TULP4: variants seen among roughly 807,000 people sequenced by gnomAD.
TULP4 encodes tubby-related protein 4.
Under a neutral mutation model 129.0 loss-of-function variants are expected in TULP4, and 16 were observed. The observed-to-expected ratio is 0.12, with a 90% CI of 0.08 to 0.19. The LOEUF (loss-of-function observed/expected upper bound fraction) is 0.19. Ranked by LOEUF, TULP4 falls within the 10% of genes least tolerant of loss-of-function variation. TULP4 has a pLI of 1.00. For synonymous variants in TULP4, 998 were observed against 854.0 expected (o/e 1.17, Z -2.94); for missense variants, 1,842 against 2,059.1 (o/e 0.89, Z 2.04).
chr6:158,429,441 G>A (rs1038059561), intron 2 of TULP4, among the ~76,000 whole-genome samples: 7 of 152,044 alleles, frequency 4.6e-5, no homozygotes, highest in Non-Finnish European at 8.8e-5. Flanking sequence ...ACCCGGCCCC[G>A]ACTAATTCTT....
intron 1 of TULP4, among the ~76,000 whole-genome samples, chr6:158,402,850 A>G (rs1300309573): frequency 1.3e-5 from 2 of 152,068 alleles, no homozygotes. Flanking sequence ...AGTTATTAGA[A>G]AGCAAATTAT....
chr6:158,239,616 G>A (rs1208382387), intron 1 of TULP4, among the ~76,000 whole-genome samples: 13 of 64,794 alleles, frequency 2.0e-4, no homozygotes, highest in South Asian at 5.6e-4. Context: ...CCTCCCGGAC[G>A]GGGCGGCTGG....
intron 2 of TULP4, among the ~76,000 whole-genome samples, chr6:158,416,917 C>T (rs1778224994): frequency 6.6e-6 from 1 of 152,140 alleles, no homozygotes; most frequent in African/African-American, 2.4e-5. Context: ...ATTACAGTTG[C>T]CTACAGTGTT....
intron 1 of TULP4, among the ~76,000 whole-genome samples, chr6:158,359,234 C>G (rs959033655): frequency 6.6e-6 from 1 of 151,990 alleles, no homozygotes; most frequent in Non-Finnish European, 1.5e-5. Context: ...GGAGAAACAC[C>G]CCCTTTTGAA....
chr6:158,238,752 A>C (rs1411749928), intron 1 of TULP4, among the ~76,000 whole-genome samples: 1 of 81,522 alleles, frequency 1.2e-5, no homozygotes, highest in Non-Finnish European at 2.6e-5. Context: ...GGGTAAGGTC[A>C]CAGATCAACA....
intron 3 of TULP4, among the ~76,000 whole-genome samples, chr6:158,439,151 A>G (rs1778823411): frequency 6.9e-6 from 1 of 144,548 alleles, no homozygotes; most frequent in Non-Finnish European, 1.5e-5. Context: ...AGCCTGGGTG[A>G]CAGAGCAAGA....
intron 1 of TULP4, among the ~76,000 whole-genome samples, chr6:158,302,734 A>G (rs1392778014): frequency 1.3e-5 from 2 of 152,078 alleles, no homozygotes; most frequent in Non-Finnish European, 2.9e-5. Context: ...TTGGACCGAG[A>G]CCGAGTCCGG....
At chr6:158,263,798 C>CT (rs1179877291) in intron 1 of TULP4, among the ~76,000 whole-genome samples, 115 of 151,950 alleles carry the variant, frequency 7.6e-4, no homozygotes, top group African/African-American at 2.6e-3. Context: ...CGCGGTGGCT[C>CT]ATGCCTGTAA....
intron 1 of TULP4, among the ~76,000 whole-genome samples, chr6:158,374,654 G>A (rs978641558): frequency 6.6e-6 from 1 of 151,512 alleles, no homozygotes; most frequent in African/African-American, 2.4e-5. Context: ...TATAAGAGCA[G>A]TATCCTTTTC....
chr6:158,502,310 C>G lies in TULP4; in HGVS notation c.2647C>G (p.Leu883Val), dbSNP rs1441966467. The G allele has an allele frequency of 1.9e-6, 3 of 1,613,494 alleles. No individual in the cohort carries two copies. The highest frequency in any genetic ancestry group is 1.3e-5 in the African/African-American group (1 of 74,830). ...YPTSVHYQTP[L>V]GYERITTFDS... Reference sequence around the variant, plus strand: ...CACGTCAGTGCACTACCAGACCCCCCTGGGCTATGAGAGGATCACCACCTT... The same window carrying G: ...CACGTCAGTGCACTACCAGACCCCCGTGGGCTATGAGAGGATCACCACCTT... Residue 883 changes from leucine (L) to valine (V), a missense_variant, in exon 13 of 14, where the codon CTG (leucine) becomes GTG (valine). Leu to Val is a conservative substitution (Grantham distance 32, BLOSUM62 1). Transcript: ENST00000367097.
intron 1 of TULP4, among the ~76,000 whole-genome samples, chr6:158,268,358 G>A (rs962255214): frequency 2.0e-5 from 3 of 152,008 alleles, no homozygotes; most frequent in African/African-American, 7.3e-5. Context: ...CATTTTAATG[G>A]GACTTTGGGG....
intron 1 of TULP4, among the ~76,000 whole-genome samples, chr6:158,355,457 AC>A (rs761714336): frequency 3.3e-5 from 5 of 152,178 alleles, no homozygotes; most frequent in Non-Finnish European, 7.3e-5. Flanking sequence ...CAGGTAGTAG[AC>A]AAGGAAGCTG....
At position 158,359,704 on chromosome 6, in the gene TULP4, C is replaced by CA. The variant is rs532921093; in HGVS notation, c.252+45437dup. Among the ~76,000 whole-genome samples the CA allele has an allele frequency of 5.5e-3, 842 of 152,306 alleles. 6 individuals are homozygous for CA. Among genetic ancestry groups the CA allele is most frequent in the African/African-American group, 0.019 (773 of 41,540 alleles). On this transcript the variant is annotated intron_variant, in intron 1 of 13. Coordinates refer to ENST00000367097, the MANE Select transcript of TULP4 (RefSeq NM_020245.5). ...TCTCCTTTGGCAGCACCCTCACAGA[C>CA]ACACCCAGGAACAATAGTTTATATC...
At position 158,313,025 on chromosome 6, in the gene TULP4, C is replaced by T. The variant is rs555689146; in HGVS notation, c.-992C>T. 1.1e-3 allele frequency: 175 copies of T among 154,618 alleles called. No homozygotes were observed. The highest frequency in any genetic ancestry group is 2.8e-3 in the African/African-American group (116 of 41,648). The allele number at this position is 154,618 out of a possible 1,614,324, so 9.6% of individuals were successfully genotyped here. On this transcript the variant is annotated 5_prime_UTR_variant, in exon 1 of 14. Transcript: ENST00000367097. ...CAAGATGGAAAAAGATCTTTAGGAG[C>T]AGAAAAGGGGAGTGCTAACTGGGGG...
chr6:158,246,023 G>GGGGGGTGTGTGTGT (rs113914160), intron 1 of TULP4, among the ~76,000 whole-genome samples: 2 of 145,920 alleles, frequency 1.4e-5, no homozygotes, highest in East Asian at 2.0e-4. Context: ...ACCCCTTAGG[G>GGGGGGTGTGTGTGT]GTGTGTGTGT....
rs1007435002 is a variant in TULP4 at position 158,509,828 on chromosome 6, G to A, written c.*3134G>A. 6.6e-6 allele frequency: 1 copy of A among 152,242 alleles called. No homozygotes were observed. The highest frequency in any genetic ancestry group is 1.9e-4 in the East Asian group (1 of 5,176). 9.4% of individuals were successfully genotyped at this position (152,242 alleles called of 1,614,324 possible). On this transcript the variant is annotated 3_prime_UTR_variant, in exon 14 of 14. Coordinates refer to ENST00000367097, the MANE Select transcript of TULP4 (RefSeq NM_020245.5). Reference sequence around the variant, plus strand: ...CTGCGGGCTGTGCGGTCCTAGTAGTGTGACGTTTCAGTTAATAGTGGTGGT... The same window carrying A: ...CTGCGGGCTGTGCGGTCCTAGTAGTATGACGTTTCAGTTAATAGTGGTGGT...
At chr6:158,309,001 T>C (rs1438838870), upstream of TULP4, among the ~76,000 whole-genome samples, 35 of 132,282 alleles carry the variant, frequency 2.6e-4, 1 homozygote, top group African/African-American at 9.5e-4. Context: ...CCCACCTCCC[T>C]CCCGGACAGG....
intron 1 of TULP4, among the ~76,000 whole-genome samples, chr6:158,259,520 G>A (rs1778311130): frequency 6.6e-6 from 1 of 152,224 alleles, no homozygotes; most frequent in Admixed American, 6.5e-5. Flanking sequence ...TGAATTGAAA[G>A]CATCATTTAT....
intron 1 of TULP4, among the ~76,000 whole-genome samples, chr6:158,284,054 A>T (rs1778799660): frequency 6.6e-6 from 1 of 152,220 alleles, no homozygotes; most frequent in Non-Finnish European, 1.5e-5. Context: ...CAAAAGATAC[A>T]GCAAACATCC....
Sources: gnomAD v4.1 joint callset for allele counts (sites outside exome capture counted in the v4.1 genomes callset) on GRCh38, gnomAD v4.1.1 for gene constraint, MANE v1.5 for transcripts, NCBI Gene and HGNC (gene_info 2026-07-23, HGNC 2026-07-21) for gene names.